Variants in SANBR observed in about 807,000 individuals in gnomAD.
SANBR encodes SANT and BTB domain regulator of class switch recombination.
SANBR carries 77 observed loss-of-function variants against 101.8 expected under a neutral mutation model. That is an observed-to-expected ratio of 0.76 (90% confidence interval 0.63 to 0.91). The LOEUF is 0.91. Ranked by LOEUF, SANBR falls within the 40% of genes least tolerant of loss-of-function variation. SANBR has a pLI of 0.00. For missense variants in SANBR, 875 were observed against 853.0 expected (o/e 1.03, Z -0.32); for synonymous variants, 279 against 274.7 (o/e 1.02, Z -0.15).
chr2:61,130,523 G>A (rs1363045010), intron 20 of SANBR, among the ~76,000 whole-genome samples: 1 of 152,034 alleles, frequency 6.6e-6, no homozygotes, highest in South Asian at 2.1e-4. Context: ...CTCAACATAC[G>A]CTAGCACAAT....
At chr2:61,112,446 A>G (rs1440474744) in intron 16 of SANBR, among the ~76,000 whole-genome samples, 4 of 151,314 alleles carry the variant, frequency 2.6e-5, no homozygotes, top group African/African-American at 4.9e-5. Context: ...TTTGTCAGCC[A>G]TATGTTTCTC....
chr2:61,094,638 CTT>C (rs35061669), intron 11 of SANBR, among the ~76,000 whole-genome samples: 34 of 79,000 alleles, frequency 4.3e-4, no homozygotes, highest in African/African-American at 1.7e-3. Context: ...TATTTCTCTT[CTT>C]TTTTTTTTTT....
At chr2:61,078,547 G>A (rs373986412) in intron 6 of SANBR, among the ~76,000 whole-genome samples, 5 of 151,584 alleles carry the variant, frequency 3.3e-5, no homozygotes, top group African/African-American at 1.2e-4. Flanking sequence ...TCAGCCTCCC[G>A]AGTAGCTGGG....
intron 5 of SANBR, among the ~76,000 whole-genome samples, chr2:61,075,875 A>G (rs1015415318): frequency 6.6e-6 from 1 of 151,920 alleles, no homozygotes; most frequent in Admixed American, 6.6e-5. Flanking sequence ...TTTAATGATA[A>G]TCTCTCTCCC....
At chr2:61,091,982 A>G (rs976349077) in intron 10 of SANBR, among the ~76,000 whole-genome samples, 16 of 152,240 alleles carry the variant, frequency 1.1e-4, no homozygotes, top group African/African-American at 3.6e-4. Flanking sequence ...TTAGTGATAT[A>G]AAGTACTAAT....
At chr2:61,129,436 C>T (rs573848832) in intron 20 of SANBR, among the ~76,000 whole-genome samples, 29 of 138,186 alleles carry the variant, frequency 2.1e-4, no homozygotes, top group Non-Finnish European at 3.6e-4. Flanking sequence ...AACAGCGAAA[C>T]TCCATCTCAA....
chr2:61,109,762 G>A (rs1350792104), intron 16 of SANBR, among the ~76,000 whole-genome samples: 1 of 144,360 alleles, frequency 6.9e-6, no homozygotes, highest in Non-Finnish European at 1.5e-5. Context: ...TCTACTTCCT[G>A]GGTTCAAGCA....
exon 22 of SANBR, chr2:61,137,469 G>T (rs1056037145): frequency 6.6e-6 from 1 of 152,194 alleles, no homozygotes; most frequent in South Asian, 2.1e-4. Context: ...TCCAGGTGAG[G>T]CAGAGACACA....
intron 11 of SANBR, chr2:61,093,920 A>T (rs1682903035): frequency 6.1e-6 from 1 of 164,972 alleles, no homozygotes; most frequent in South Asian, 2.0e-4. Flanking sequence ...AGTCACAGTC[A>T]TTCCTAATTA....
rs1559066685 is a variant in SANBR, at chr2:61,068,898, A to G, written c.-97A>G. The G allele has an allele frequency of 1.3e-5, 2 of 152,392 alleles. No individual in the cohort carries two copies. Among genetic ancestry groups the G allele is most frequent in the African/African-American group, 2.4e-5 (1 of 41,472 alleles). 9.4% of individuals were successfully genotyped at this position (152,392 alleles called of 1,614,324 possible). The stretch of plus-strand genomic sequence containing the variant: ...TAACTAATCTGAACCAGATAATGCC[A>G]TAAGTAGTAGAACTGCGATGCAAAC... On this transcript the variant is annotated 5_prime_UTR_variant, in exon 2 of 22. Coordinates refer to ENST00000402291, the MANE Select transcript of SANBR (RefSeq NM_001129993.3).
intron 8 of SANBR, among the ~76,000 whole-genome samples, chr2:61,083,818 G>T (rs574941859): frequency 6.6e-6 from 1 of 150,810 alleles, no homozygotes; most frequent in Non-Finnish European, 1.5e-5. Flanking sequence ...GCAGTGAGCC[G>T]AGATCACGCC....
At chr2:61,087,190 A>G (rs1489823760) in intron 8 of SANBR, among the ~76,000 whole-genome samples, 1 of 152,206 alleles carries the variant, frequency 6.6e-6, no homozygotes, top group Non-Finnish European at 1.5e-5. Context: ...GCTAAAGATC[A>G]TATACCTAGT....
chr2:61,123,417 A>G lies in SANBR; in HGVS notation c.*1255A>G, dbSNP rs1684411990. On this transcript the variant is annotated 3_prime_UTR_variant, in exon 22 of 22. Transcript: ENST00000402291. ...AGTCTTTTAGTTGATAAATGAAGCTAGATGTTATTTGATAACTGGCTTTGC... is the reference window on the plus strand; with the variant it reads ...AGTCTTTTAGTTGATAAATGAAGCTGGATGTTATTTGATAACTGGCTTTGC... 1 of 985,046 alleles carries G rather than the reference A, an allele frequency of 1.0e-6. No individual in the cohort carries two copies. 61.0% of individuals were successfully genotyped at this position (985,046 alleles called of 1,614,324 possible).
chr2:61,126,441 T>G (rs1365210332), downstream of SANBR, among the ~76,000 whole-genome samples: 2 of 152,186 alleles, frequency 1.3e-5, no homozygotes, highest in Non-Finnish European at 2.9e-5. Flanking sequence ...TCGTGATTTT[T>G]CGATGTGGCT....
At chr2:61,091,062 A>C (rs1682730616) in intron 10 of SANBR, among the ~76,000 whole-genome samples, 2 of 152,062 alleles carry the variant, frequency 1.3e-5, no homozygotes, top group Admixed American at 1.3e-4. Flanking sequence ...CTGGCCTAAA[A>C]TTACTTTTAA....
Position 61,120,050 on chromosome 2 carries a change from G to A in SANBR, c.2029-1135G>A, listed in dbSNP as rs1431705567. 3.3e-5 allele frequency among the ~76,000 whole-genome samples: 5 copies of A among 152,274 alleles called. No homozygotes were observed. In the East Asian group the frequency reaches 7.7e-4, roughly 23 times the overall value. On this transcript the variant is annotated intron_variant, in intron 20 of 21. Transcript: ENST00000402291. ...GCTAGTAGAAATGCAAAAAGGAATG[G>A]TCACTTTGGAAAATAGTTTGGCAAT...
At chr2:61,130,460 A>G (rs1684653187) in intron 20 of SANBR, among the ~76,000 whole-genome samples, 2 of 152,224 alleles carry the variant, frequency 1.3e-5, no homozygotes. Flanking sequence ...AAGGTATCAC[A>G]AGAAAAAGAA....
At chr2:61,084,666 G>A (rs1682327389) in intron 8 of SANBR, among the ~76,000 whole-genome samples, 6 of 152,138 alleles carry the variant, frequency 3.9e-5, no homozygotes, top group Admixed American at 3.9e-4. Context: ...ATAGCAAGGA[G>A]GATATACTTT....
rs1311035148 is a variant in SANBR at position 61,106,681 on chromosome 2, C to T, written c.1611+19C>T. The T allele has an allele frequency of 7.4e-7, 1 of 1,352,246 alleles. No individual in the cohort carries two copies. The highest frequency in any genetic ancestry group is 1.3e-5 in the South Asian group (1 of 77,538). The allele number at this position is 1,352,246 out of a possible 1,614,324, so 83.8% of individuals were successfully genotyped here. On this transcript the variant is annotated intron_variant, in intron 14 of 21. Transcript: ENST00000402291. ...CAATGCTGTGAGTAGTTTTTTTTCA[C>T]TTATTCTTTATTTACATAAATAATT...
Sources: allele counts gnomAD v4.1 joint callset (sites outside exome capture counted in the v4.1 genomes callset), GRCh38; gene constraint gnomAD v4.1.1; transcripts MANE v1.5; gene names NCBI Gene and HGNC (gene_info 2026-07-23, HGNC 2026-07-21).